TM9SF2: variants seen among roughly 807,000 people sequenced by gnomAD.
TM9SF2 encodes the protein transmembrane 9 superfamily member 2, also known as 76 kDa membrane protein.
In TM9SF2, 13 loss-of-function variants were observed where a neutral mutation model predicts 84.9. That is an observed-to-expected ratio of 0.15 (90% confidence interval 0.10 to 0.24). TM9SF2 has a LOEUF of 0.24. Among genes scored for constraint, TM9SF2 ranks in the 10% least tolerant of loss-of-function variants. TM9SF2 has a pLI of 1.00. For missense variants in TM9SF2, 562 were observed against 818.5 expected, an observed-to-expected ratio of 0.69 and a Z score of 3.82; for synonymous variants, 273 against 285.8, an observed-to-expected ratio of 0.96 and a Z score of 0.45.
chr13:99,548,996 A>G (rs933721609), intron 11 of TM9SF2, among the ~76,000 whole-genome samples, 169 bp from the exon 12 acceptor site: 2 of 152,156 alleles, frequency 1.3e-5, no homozygotes, highest in African/African-American at 4.8e-5. Context: ...TATGTCTCAG[A>G]TTTGGATTAT....
chr13:99,547,499 C>T (rs1056395341), intron 11 of TM9SF2, among the ~76,000 whole-genome samples: 1 of 152,026 alleles, frequency 6.6e-6, no homozygotes, highest in African/African-American at 2.4e-5. Context: ...TCTAGGTGTA[C>T]CTTTTCTTAC....
intron 1 of TM9SF2, among the ~76,000 whole-genome samples, chr13:99,515,930 C>T (rs907459330): frequency 2.0e-5 from 3 of 152,068 alleles, no homozygotes; most frequent in East Asian, 3.9e-4. Flanking sequence ...CGGGGTTTCG[C>T]CATGTTGACC....
chr13:99,549,979 G>A (rs977624226), intron 12 of TM9SF2, among the ~76,000 whole-genome samples: 6 of 152,072 alleles, frequency 3.9e-5, no homozygotes, highest in African/African-American at 9.7e-5. Flanking sequence ...CTCAGTTATC[G>A]GTTCTATTCA....
intron 12 of TM9SF2, among the ~76,000 whole-genome samples, chr13:99,551,256 A>C (rs184747997): frequency 2.1e-3 from 316 of 152,328 alleles, no homozygotes; most frequent in African/African-American, 7.3e-3. Context: ...TCTTAATGAA[A>C]AGATCAAGCA....
intron 4 of TM9SF2, among the ~76,000 whole-genome samples, chr13:99,533,968 C>T (rs889703200): frequency 6.6e-6 from 1 of 152,222 alleles, no homozygotes; most frequent in Non-Finnish European, 1.5e-5. Context: ...CGCTCCTGGC[C>T]ATACTTTTTA....
At chr13:99,544,032 T>C in intron 10 of TM9SF2, 37 bp downstream of exon 10, 1 of 1,609,340 alleles carries the variant, frequency 6.2e-7, no homozygotes, top group East Asian at 2.2e-5. Flanking sequence ...TAGAAAATAC[T>C]TTCTAAATAC....
chr13:99,533,956 A>G (rs2139092012), intron 4 of TM9SF2, among the ~76,000 whole-genome samples: 1 of 152,330 alleles, frequency 6.6e-6, no homozygotes. Flanking sequence ...GGCGCGAGCC[A>G]CCGCTCCTGG....
Position 99,552,186 on chromosome 13 carries a change from T to C in TM9SF2, c.1348T>C (p.Phe450Leu). Residue 450 changes from phenylalanine to leucine, a missense_variant, in exon 13 of 17, where the codon TTT (phenylalanine) becomes CTT (leucine). Physicochemically the swap from Phe to Leu is conservative, Grantham distance 22 (BLOSUM62 0). Transcript: ENST00000376387. ...LCPGIVFADF[F>L]IMNLILWGEG... ...TTTCAGGATTGTATTTGCTGACTTC[T>C]TTATAATGAATCTGATCCTCTGGGG... 6.2e-7 allele frequency: 1 copy of C among 1,613,896 alleles called. No homozygotes were observed. Among genetic ancestry groups the C allele is most frequent in the Non-Finnish European group, 8.5e-7 (1 of 1,179,950 alleles).
chr13:99,555,689 T>A, intron 15 of TM9SF2, 42 bp downstream of exon 15: 2 of 1,382,006 alleles, frequency 1.4e-6, no homozygotes, highest in Non-Finnish European at 2.0e-6. Context: ...TTGTAGACAG[T>A]AACTTTGGCA....
chr13:99,533,828 G>C (rs375521403), intron 4 of TM9SF2, among the ~76,000 whole-genome samples: 1 of 151,898 alleles, frequency 6.6e-6, no homozygotes, highest in African/African-American at 2.4e-5. Context: ...CCGCCACCAC[G>C]CCTGGCTAAT....
Position 99,561,465 on chromosome 13 carries a change from T to G in TM9SF2, c.1925-1226T>G, listed in dbSNP as rs559432902. Reference sequence around the variant, plus strand: ...GCAAGTAAGTACAAAGTTATATAAATATACTGAGTTTTCATTATTGCTTTT... The same window carrying G: ...GCAAGTAAGTACAAAGTTATATAAAGATACTGAGTTTTCATTATTGCTTTT... On this transcript the variant is annotated intron_variant, in intron 16 of 16. Transcript: ENST00000376387. Among the ~76,000 whole-genome samples, 341 of 152,334 alleles carry G rather than the reference T, an allele frequency of 2.2e-3. 4 individuals carry two copies. Among genetic ancestry groups the G allele is most frequent in the South Asian group, 0.022 (105 of 4,826 alleles).
At chr13:99,546,171 C>T (rs938323958) in intron 10 of TM9SF2, among the ~76,000 whole-genome samples, 72 of 152,262 alleles carry the variant, frequency 4.7e-4, no homozygotes, top group Non-Finnish European at 2.4e-4. Flanking sequence ...CGCGTGCTTG[C>T]TCACATACGT....
At position 99,559,347 on chromosome 13, in the gene TM9SF2, T is replaced by C. The variant is rs376931393; in HGVS notation, c.1753-16T>C. On this transcript the variant is annotated splice_polypyrimidine_tract_variant and intron_variant, in intron 15 of 16. Coordinates refer to ENST00000376387, the MANE Select transcript of TM9SF2 (RefSeq NM_004800.3). ...AATTGGAATGTAATTCTTGTTCTTT[T>C]TTCTTTACTACCTAGGATTATCATT... 6.4e-7 allele frequency: 1 copy of C among 1,557,806 alleles called. No homozygotes were observed.
chr13:99,501,694 C>G lies in TM9SF2; in HGVS notation c.88C>G (p.Pro30Ala), dbSNP rs748166831. 6.2e-7 allele frequency: 1 copy of G among 1,612,350 alleles called. No homozygotes were observed. Among genetic ancestry groups the G allele is most frequent in the East Asian group, 2.2e-5 (1 of 44,846 alleles). The stretch of plus-strand genomic sequence containing the variant: ...GCTCCTGCTGGGGGCGGTTCCTGGC[C>G]CGCGCCGGAGCGGCGCTTTCTACCT... Reference protein sequence around the residue: ...SLLLLGAVPGPRRSGAFYLPG... With the variant: ...SLLLLGAVPGARRSGAFYLPG... Residue 30 changes from proline to alanine, a missense_variant, in exon 1 of 17, where the codon CCG (proline) becomes GCG (alanine). This residue lies in a region of TM9SF2 where 267 missense variants were observed against 316.7 expected (regional missense o/e 0.84). Transcript: ENST00000376387.
intron 2 of TM9SF2, among the ~76,000 whole-genome samples, chr13:99,518,742 G>A (rs999995567): frequency 3.3e-5 from 5 of 151,174 alleles, no homozygotes; most frequent in South Asian, 2.1e-4. Flanking sequence ...GACTACAGGC[G>A]TGTGCAACCA....
chr13:99,524,413 A>C (rs2046173338), intron 3 of TM9SF2, among the ~76,000 whole-genome samples: 2 of 152,124 alleles, frequency 1.3e-5, no homozygotes, highest in Non-Finnish European at 2.9e-5. Flanking sequence ...AAGATGGGGC[A>C]GTCTGTGGGA....
chr13:99,502,355 G>T (rs1028790467), intron 1 of TM9SF2, among the ~76,000 whole-genome samples: 1 of 152,156 alleles, frequency 6.6e-6, no homozygotes. Context: ...CTTATTTGTG[G>T]AGTATAACAC....
chr13:99,545,750 A>G (rs752585398), intron 10 of TM9SF2, among the ~76,000 whole-genome samples: 2 of 152,026 alleles, frequency 1.3e-5, no homozygotes, highest in Non-Finnish European at 2.9e-5. Flanking sequence ...TATTTTTGGT[A>G]GAGACACGGT....
chr13:99,543,636 A>G (rs914301034), intron 9 of TM9SF2, among the ~76,000 whole-genome samples: 4 of 152,250 alleles, frequency 2.6e-5, no homozygotes, highest in Non-Finnish European at 5.9e-5. Context: ...GTATATTTGT[A>G]GACCTTAATG....
Sources: gnomAD v4.1 joint callset for allele counts (sites outside exome capture counted in the v4.1 genomes callset) on GRCh38, gnomAD v4.1.1 for gene constraint, gnomAD v4.1.1 regional missense constraint, MANE v1.5 for transcripts, NCBI Gene and HGNC (gene_info 2026-07-23, HGNC 2026-07-21) for gene names.